Variants in FRY observed in about 807,000 individuals in gnomAD.
The protein encoded by FRY is protein furry homolog.
Under a neutral mutation model 348.4 loss-of-function variants are expected in FRY, and 128 were observed. The ratio of observed to expected loss-of-function variants is 0.37; its 90% confidence interval spans 0.32 to 0.43. The LOEUF (loss-of-function observed/expected upper bound fraction) is 0.43. Among genes scored for constraint, FRY ranks in the 20% least tolerant of loss-of-function variants. The probability of loss-of-function intolerance (pLI) is 1.00; values close to 1 mark genes in which losing one functional copy is unlikely to be tolerated. For missense variants in FRY, 2,736 were observed against 3,695.2 expected, an observed-to-expected ratio of 0.74 and a Z score of 6.73; for synonymous variants, 1,370 against 1,374.7, an observed-to-expected ratio of 1.00 and a Z score of 0.08.
chr13:32,107,135 T>C (rs1877604506), intron 3 of FRY, among the ~76,000 whole-genome samples: 2 of 152,156 alleles, frequency 1.3e-5, no homozygotes, highest in Admixed American at 1.3e-4. Flanking sequence ...GGCGGGTGGA[T>C]CACCCGAGCT....
chr13:32,167,899 G>T, intron 17 of FRY, among the ~76,000 whole-genome samples: 1 of 152,288 alleles, frequency 6.6e-6, no homozygotes, highest in South Asian at 2.1e-4. Flanking sequence ...GCTGCTTGGC[G>T]AGTGAAGGAG....
At chr13:32,211,930 T>C (rs1034165948) in intron 34 of FRY, among the ~76,000 whole-genome samples, 1 of 152,170 alleles carries the variant, frequency 6.6e-6, no homozygotes, top group Non-Finnish European at 1.5e-5. Context: ...TTGGCCTTAC[T>C]TCACTAGCAT....
chr13:32,295,551 T>G lies in FRY; in HGVS notation c.*91T>G, dbSNP rs1447771741. 4.9e-6 allele frequency: 6 copies of G among 1,220,608 alleles called. No individual in the cohort carries two copies. Among genetic ancestry groups the G allele is most frequent in the Non-Finnish European group, 7.2e-6 (6 of 835,658 alleles). The allele number at this position is 1,220,608 out of a possible 1,614,324, so 75.6% of individuals were successfully genotyped here. A position where few individuals can be genotyped will look rare whatever the true frequency, so the allele number is the denominator to read the frequency against. On this transcript the variant is annotated 3_prime_UTR_variant, in exon 61 of 61. Transcript: ENST00000542859. ...AGTGTCTTCTCGGCCTTCAAAAGGC[T>G]TGGACAGACTGTTCTCCCTCTTGTT...
chr13:32,195,234 A>C (rs954861216), intron 29 of FRY, among the ~76,000 whole-genome samples: 2 of 150,502 alleles, frequency 1.3e-5, no homozygotes, highest in Admixed American at 1.3e-4. Context: ...TCAGCAGTAG[A>C]GTTTTTATTA....
At chr13:32,234,820 G>A (rs1052990764) in intron 42 of FRY, 59 bp downstream of exon 42, 4 of 1,334,382 alleles carry the variant, frequency 3.0e-6, no homozygotes, top group African/African-American at 1.4e-5. Flanking sequence ...TCAATGAGGT[G>A]TAAACTATTT....
chr13:32,265,491 G>A lies in FRY; in HGVS notation c.7821G>A (p.Glu2607=). 6.2e-7 allele frequency: 1 copy of A among 1,614,184 alleles called. No homozygotes were observed. Among genetic ancestry groups the A allele is most frequent in the South Asian group, 1.1e-5 (1 of 91,082 alleles). ...AGGAGGAGGACACCACCGTGCATGA[G>A]GATGATCTTTCTAGTTCCATCAATG... ...VREEEDTTVH[E]DDLSSSINEL... Residue 2607 remains glutamate (E), a synonymous_variant, in exon 54 of 61, where the codon GAG becomes GAA. Transcript: ENST00000542859.
intron 2 of FRY, among the ~76,000 whole-genome samples, chr13:32,095,775 G>A (rs1443346819): frequency 6.6e-6 from 1 of 152,118 alleles, no homozygotes; most frequent in Non-Finnish European, 1.5e-5. Flanking sequence ...ATGTTTTCTT[G>A]TACTAATTTC....
At chr13:32,115,540 T>C (rs1351790635) in intron 3 of FRY, among the ~76,000 whole-genome samples, 1 of 152,208 alleles carries the variant, frequency 6.6e-6, no homozygotes, top group African/African-American at 2.4e-5. Flanking sequence ...ATTTTCAGCA[T>C]TATGTTCCTT....
At position 32,265,749 on chromosome 13, in the gene FRY, T is replaced by G. The variant is rs1887892748; in HGVS notation, c.7946+133T>G. ...AAGGACTCCAAAGTGACATATATCA[T>G]GGCAGGCTCTCAGCTGAGTTAGAGT... On this transcript the variant is annotated intron_variant, in intron 54 of 60. Transcript: ENST00000542859. 3 of 885,150 alleles carry G rather than the reference T, an allele frequency of 3.4e-6. No homozygotes were observed. In the African/African-American group the frequency reaches 5.0e-5, roughly 15 times the overall value. 54.8% of individuals were successfully genotyped at this position (885,150 alleles called of 1,614,324 possible).
intron 31 of FRY, among the ~76,000 whole-genome samples, chr13:32,206,224 A>G (rs997363726): frequency 2.0e-5 from 3 of 152,110 alleles, no homozygotes; most frequent in Non-Finnish European, 2.9e-5. Flanking sequence ...AAGGGCCTGG[A>G]CACCCCCACT....
In FRY at chr13:32,274,866, C is replaced by T. The variant is rs764727275; in HGVS notation, c.8161C>T (p.Leu2721=). The part of the protein sequence containing the change: ...FKNIQKRFCF[L]TCDAASYLGD... ...GAATATTCAGAAAAGGTTCTGCTTCCTAACCTGTGATGCAGCCAGTTACCT... is the reference window on the plus strand; with the variant it reads ...GAATATTCAGAAAAGGTTCTGCTTCTTAACCTGTGATGCAGCCAGTTACCT... The change falls in exon 56 of 61, where the codon CTA becomes TTA. Residue 2721 remains leucine (L), a synonymous_variant. Coordinates refer to ENST00000542859, the MANE Select transcript of FRY (RefSeq NM_023037.3). The T allele has an allele frequency of 2.4e-5, 38 of 1,613,442 alleles. No individual in the cohort carries two copies. The highest frequency in any genetic ancestry group is 3.1e-5 in the Non-Finnish European group (37 of 1,179,526).
At chr13:32,189,401 T>C (rs1202284891) in intron 28 of FRY, among the ~76,000 whole-genome samples, 1 of 152,008 alleles carries the variant, frequency 6.6e-6, no homozygotes, top group East Asian at 1.9e-4. Flanking sequence ...AAGACTCTCA[T>C]ATTAAAGAGA....
chr13:32,294,222 A>G, intron 59 of FRY, 146 bp from the exon 60 acceptor site: 1 of 652,112 alleles, frequency 1.5e-6, no homozygotes, highest in Non-Finnish European at 2.7e-6. Context: ...CATACCATGG[A>G]GTACAATGTC....
At chr13:32,054,402 G>T (rs1873508682) in intron 1 of FRY, among the ~76,000 whole-genome samples, 1 of 146,912 alleles carries the variant, frequency 6.8e-6, no homozygotes, top group Non-Finnish European at 1.5e-5. Flanking sequence ...CATTCAATTT[G>T]CTAGGAGTTT....
chr13:32,227,121 A>G (rs1338369182), intron 39 of FRY, among the ~76,000 whole-genome samples: 2 of 152,210 alleles, frequency 1.3e-5, no homozygotes, highest in Non-Finnish European at 2.9e-5. Flanking sequence ...AATGATTTAA[A>G]GTGAAGATTT....
intron 2 of FRY, among the ~76,000 whole-genome samples, chr13:32,092,185 T>A (rs557886375): frequency 6.6e-6 from 1 of 152,368 alleles, no homozygotes; most frequent in Non-Finnish European, 1.5e-5. Flanking sequence ...ACTTTGGATC[T>A]TTCTAGATTA....
intron 4 of FRY, among the ~76,000 whole-genome samples, chr13:32,121,897 T>A (rs1207005003): frequency 1.3e-5 from 2 of 152,212 alleles, no homozygotes; most frequent in African/African-American, 4.8e-5. Flanking sequence ...TCTTCTAGAA[T>A]TTTTATAGTT....
At position 32,179,717 on chromosome 13, in the gene FRY, G is replaced by C; in HGVS notation, c.2914G>C (p.Val972Leu). Residue 972 changes from valine to leucine, a missense_variant, in exon 23 of 61, where the codon GTG becomes CTG. Coordinates refer to ENST00000542859, the MANE Select transcript of FRY (RefSeq NM_023037.3). ...GGTGGGAGTTCTGTTAAAGCAGTTG[G>C]TGCCTTTGATGAGACTAGAGAGCAT... Reference protein sequence around the residue: ...PSVGVLLKQLVPLMRLESIEI... With the variant: ...PSVGVLLKQLLPLMRLESIEI... The C allele has an allele frequency of 6.2e-7, 1 of 1,613,812 alleles. No individual in the cohort carries two copies. The highest frequency in any genetic ancestry group is 1.3e-5 in the African/African-American group (1 of 75,002).
chr13:32,153,859 AG>A (rs1319542212), intron 14 of FRY, among the ~76,000 whole-genome samples: 1 of 152,190 alleles, frequency 6.6e-6, no homozygotes, highest in Non-Finnish European at 1.5e-5. Context: ...GACATGGAAA[AG>A]TTAAGTAATT....
Sources: gnomAD v4.1 joint callset for allele counts (sites outside exome capture counted in the v4.1 genomes callset) on GRCh38, gnomAD v4.1.1 for gene constraint, MANE v1.5 for transcripts, NCBI Gene and HGNC (gene_info 2026-07-23, HGNC 2026-07-21) for gene names.